Variants in BAZ2B observed in about 807,000 individuals in gnomAD.
BAZ2B encodes the protein bromodomain adjacent to zinc finger domain protein 2B.
In BAZ2B, 91 loss-of-function variants were observed where a neutral mutation model predicts 246.0. The observed-to-expected ratio is 0.37, with a 90% CI of 0.31 to 0.44. BAZ2B has a LOEUF of 0.44. Ranked by LOEUF, BAZ2B falls within the 20% of genes least tolerant of loss-of-function variation. The probability of loss-of-function intolerance (pLI) is 1.00; values close to 1 mark genes in which losing one functional copy is unlikely to be tolerated. For synonymous variants in BAZ2B, 855 were observed against 860.0 expected, an observed-to-expected ratio of 0.99 and a Z score of 0.10; for missense variants, 2,332 against 2,533.7, an observed-to-expected ratio of 0.92 and a Z score of 1.71.
At chr2:159,601,604 C>T (rs921021593) in intron 1 of BAZ2B, among the ~76,000 whole-genome samples, 2 of 152,016 alleles carry the variant, frequency 1.3e-5, no homozygotes, top group African/African-American at 4.8e-5. Context: ...GCCTGTAATT[C>T]CAGCTACTCG....
the BAZ2B span, among the ~76,000 whole-genome samples, chr2:159,711,628 T>C: frequency 2.0e-5 from 3 of 152,240 alleles, no homozygotes; most frequent in Non-Finnish European, 4.4e-5. Context: ...ATTAAAAAAC[T>C]TTTGATTCAT....
Position 159,428,317 on chromosome 2 carries a change from T to C in BAZ2B, c.2358A>G (p.Val786=). The change falls in exon 12 of 37, where the codon GTA becomes GTG. Residue 786 remains valine, a synonymous_variant. Coordinates refer to ENST00000392783, the MANE Select transcript of BAZ2B (RefSeq NM_013450.4). ...TTTGGTGAAAAGTATGTACCTTTAT[T>C]ACTTCAGGGTACTGCCTAAGTTTCT... The part of the protein sequence containing the change: ...CGKKLRQYPE[V]IKYLSRNGIM... 2 of 1,610,872 alleles carry C rather than the reference T, an allele frequency of 1.2e-6. No individual in the cohort carries two copies. Among genetic ancestry groups the C allele is most frequent in the Non-Finnish European group, 1.7e-6 (2 of 1,178,122 alleles).
rs373557330 is a variant in BAZ2B at position 159,576,770 on chromosome 2, G to A, written c.-45-20905C>T. ...CTACTAAAAATACAAAAAATTAGCC[G>A]GGCATGGTGGCAAATGCCTGTAGTC... On this transcript the variant is annotated intron_variant, in intron 1 of 36. Transcript: ENST00000392783. 2.7e-3 allele frequency among the ~76,000 whole-genome samples: 405 copies of A among 151,674 alleles called. 2 individuals carry two copies. The highest frequency in any genetic ancestry group is 9.1e-3 in the African/African-American group (378 of 41,340).
intron 8 of BAZ2B, chr2:159,438,072 C>T (rs1373123883): frequency 7.0e-6 from 3 of 429,714 alleles, no homozygotes; most frequent in African/African-American, 6.1e-5. Flanking sequence ...GCATGGGTTG[C>T]AGGGGAGCTG....
chr2:159,446,696 A>T, intron 6 of BAZ2B, 86 bp downstream of exon 6: 1 of 1,292,026 alleles, frequency 7.7e-7, no homozygotes, highest in South Asian at 1.7e-5. Context: ...TAAGAAATTA[A>T]ACCATAGATT....
intron 2 of BAZ2B, among the ~76,000 whole-genome samples, chr2:159,532,791 GC>G (rs1452196047): frequency 6.6e-6 from 1 of 152,092 alleles, no homozygotes; most frequent in African/African-American, 2.4e-5. Flanking sequence ...ATGCTACCTG[GC>G]CCCAGATTTT....
intron 2 of BAZ2B, among the ~76,000 whole-genome samples, chr2:159,484,074 A>C (rs2079552108): frequency 6.6e-6 from 1 of 152,176 alleles, no homozygotes; most frequent in Non-Finnish European, 1.5e-5. Flanking sequence ...CAACTGGAAA[A>C]GTGCTAATGG....
the BAZ2B span, chr2:159,693,884 T>A: frequency 6.6e-6 from 1 of 152,170 alleles, no homozygotes; most frequent in African/African-American, 2.4e-5. Flanking sequence ...ATTACTTTTT[T>A]CATTTAAGTT....
intron 35 of BAZ2B, among the ~76,000 whole-genome samples, 165 bp from the exon 36 acceptor site, chr2:159,325,119 A>ATAT (rs2063477809): frequency 5.3e-5 from 1 of 18,922 alleles, no homozygotes; most frequent in African/African-American, 2.9e-4. Flanking sequence ...TATATATTTT[A>ATAT]TATATATATA....
At chr2:159,546,879 T>C (rs1213724596) in intron 2 of BAZ2B, among the ~76,000 whole-genome samples, 1 of 152,088 alleles carries the variant, frequency 6.6e-6, no homozygotes, top group Non-Finnish European at 1.5e-5. Flanking sequence ...GATAGGGAGA[T>C]TAATTCCAAA....
chr2:159,468,120 G>A (rs542748322), intron 3 of BAZ2B, among the ~76,000 whole-genome samples: 32 of 152,240 alleles, frequency 2.1e-4, no homozygotes, highest in Non-Finnish European at 7.4e-5. Context: ...AAACTAGCTG[G>A]CAGAGAATGA....
intron 2 of BAZ2B, among the ~76,000 whole-genome samples, chr2:159,528,184 A>G (rs2084955727): frequency 6.6e-6 from 1 of 152,176 alleles, no homozygotes; most frequent in Non-Finnish European, 1.5e-5. Flanking sequence ...GATGTCAATT[A>G]TATCATCATT....
intron 1 of BAZ2B, among the ~76,000 whole-genome samples, chr2:159,603,354 C>T (rs1006490954): frequency 1.3e-5 from 2 of 152,056 alleles, no homozygotes; most frequent in Non-Finnish European, 2.9e-5. Context: ...ATTTAAAATG[C>T]CGTAAGGAGG....
chr2:159,682,833 T>C, the BAZ2B span, among the ~76,000 whole-genome samples: 1 of 152,112 alleles, frequency 6.6e-6, no homozygotes, highest in South Asian at 2.1e-4. Context: ...TGCATTCTCT[T>C]GCAATTATTC....
the BAZ2B span, among the ~76,000 whole-genome samples, chr2:159,638,607 G>T: frequency 1.3e-5 from 2 of 152,070 alleles, no homozygotes; most frequent in Non-Finnish European, 2.9e-5. Context: ...CAATTGACAT[G>T]CTGAAGAATG....
intron 20 of BAZ2B, 171 bp downstream of exon 20, chr2:159,395,598 A>G: frequency 6.1e-6 from 3 of 492,690 alleles, no homozygotes; most frequent in Non-Finnish European, 1.1e-5. Flanking sequence ...CTCTTCCTAC[A>G]TTCTTTTATG....
At chr2:159,618,997 A>G (rs1299806198), upstream of BAZ2B, among the ~76,000 whole-genome samples, 1 of 152,150 alleles carries the variant, frequency 6.6e-6, no homozygotes, top group Non-Finnish European at 1.5e-5. Context: ...TCATAATGAT[A>G]TGTAATTTAC....
At chr2:159,467,081 G>A (rs763108269) in intron 3 of BAZ2B, among the ~76,000 whole-genome samples, 37 of 152,280 alleles carry the variant, frequency 2.4e-4, no homozygotes, top group Non-Finnish European at 4.7e-4. Flanking sequence ...GAGGGACAGC[G>A]TATTTGAAAT....
At chr2:159,574,305 A>C (rs1410088668) in intron 1 of BAZ2B, among the ~76,000 whole-genome samples, 3 of 143,122 alleles carry the variant, frequency 2.1e-5, no homozygotes, top group African/African-American at 5.1e-5. Context: ...AAACCACGAG[A>C]TGGCACTTCA....
Sources: gnomAD v4.1 joint callset for allele counts (sites outside exome capture counted in the v4.1 genomes callset) on GRCh38, gnomAD v4.1.1 for gene constraint, MANE v1.5 for transcripts, NCBI Gene and HGNC (gene_info 2026-07-23, HGNC 2026-07-21) for gene names.